NHS: variants seen among roughly 807,000 people sequenced by gnomAD.
The protein encoded by NHS is NHS actin remodeling regulator.
Under a neutral mutation model 72.5 loss-of-function variants are expected in NHS, and 5 were observed. The observed-to-expected ratio is 0.07, with a 90% CI of 0.04 to 0.14. The LOEUF (loss-of-function observed/expected upper bound fraction) is 0.14, where lower values mean the gene tolerates loss of function less well. NHS is among the 10% of genes least tolerant of loss of function. The probability of loss-of-function intolerance (pLI) is 1.00; values close to 1 mark genes in which losing one functional copy is unlikely to be tolerated. For synonymous variants in NHS, 464 were observed against 547.7 expected (o/e 0.85, Z 2.13); for missense variants, 1,072 against 1,355.7 (o/e 0.79, Z 3.29).
intron 1 of NHS, among the ~76,000 whole-genome samples, chrX:17,575,947 A>T (rs2065508328): frequency 9.0e-6 from 1 of 111,548 alleles, no homozygotes; most frequent in Admixed American, 9.5e-5. Flanking sequence ...AGAGAGTGGT[A>T]CCCTCCTTGG....
intron 1 of NHS, among the ~76,000 whole-genome samples, chrX:17,684,207 T>C (rs2066146364): frequency 8.9e-6 from 1 of 112,300 alleles, no homozygotes; most frequent in African/African-American, 3.2e-5. Flanking sequence ...CTTTATAAAT[T>C]ACCCAGTCAT....
intron 1 of NHS, among the ~76,000 whole-genome samples, chrX:17,463,546 A>T (rs1301392319): frequency 9.0e-6 from 1 of 111,464 alleles, no homozygotes; most frequent in East Asian, 2.8e-4. Context: ...TAAATAGGAT[A>T]TTATTGAAAC....
intron 1 of NHS, among the ~76,000 whole-genome samples, chrX:17,505,151 C>T (rs184680727): frequency 1.8e-5 from 2 of 111,763 alleles, no homozygotes; most frequent in African/African-American, 6.5e-5. Flanking sequence ...AAATTAGCTA[C>T]TCATTTTTTT....
chrX:17,732,513 G>A lies in NHS; in HGVS notation c.*49G>A, dbSNP rs772222028. On this transcript the variant is annotated 3_prime_UTR_variant, in exon 9 of 9. Transcript: ENST00000676302. ...CAAAGGCCAAAACCCTTACTCACAT[G>A]AGGATGGAGGAACAGAACAGAGGAC... The A allele has an allele frequency of 1.8e-5, 22 of 1,209,459 alleles. No individual in the cohort carries two copies. Among genetic ancestry groups the A allele is most frequent in the Non-Finnish European group, 2.3e-5 (21 of 893,907 alleles).
intron 1 of NHS, among the ~76,000 whole-genome samples, chrX:17,578,688 G>A (rs1013364178): frequency 1.8e-5 from 2 of 112,108 alleles, no homozygotes; most frequent in Non-Finnish European, 3.8e-5. Flanking sequence ...AAATTCAATT[G>A]GTGTTATAAA....
In NHS at chrX:17,692,360, A is replaced by C. The variant is rs2147115274; in HGVS notation, c.744A>C (p.Arg248=). ...RREHRSRSDR[R]EQRAAAPLSI... ...AACACCGGAGCCGGAGCGATCGCCG[A>C]GAGCAAAGAGCAGCTGCCCCCCTTT... is the stretch of plus-strand genomic sequence containing the variant. The change falls in exon 3 of 9, where the codon CGA becomes CGC. Residue 248 remains arginine, a synonymous_variant. Transcript: ENST00000676302. The C allele has an allele frequency of 8.3e-7, 1 of 1,210,657 alleles. No homozygotes were observed. Among genetic ancestry groups the C allele is most frequent in the East Asian group, 3.0e-5 (1 of 33,789 alleles).
At chrX:17,511,600 G>T (rs2065088555) in intron 1 of NHS, among the ~76,000 whole-genome samples, 1 of 112,148 alleles carries the variant, frequency 8.9e-6, no homozygotes, top group African/African-American at 3.2e-5. Flanking sequence ...AACAAACCTT[G>T]TGTTATTCCT....
At chrX:17,530,415 C>T (rs1217048595) in intron 1 of NHS, among the ~76,000 whole-genome samples, 3 of 111,215 alleles carry the variant, frequency 2.7e-5, no homozygotes, top group Non-Finnish European at 5.7e-5. Context: ...CCATTTGTCA[C>T]CAGCAAGCAG....
intron 1 of NHS, among the ~76,000 whole-genome samples, chrX:17,407,288 C>T (rs2064533650): frequency 9.0e-6 from 1 of 110,969 alleles, no homozygotes; most frequent in Non-Finnish European, 1.9e-5. Context: ...TTTCCTTTTT[C>T]ACCCTCCCTT....
At chrX:17,383,188 C>G (rs939376100) in intron 1 of NHS, among the ~76,000 whole-genome samples, 5 of 112,003 alleles carry the variant, frequency 4.5e-5, no homozygotes, top group African/African-American at 1.6e-4. Flanking sequence ...ACTACTTGCA[C>G]TCAAACCTGT....
At chrX:17,682,734 T>C (rs2066137307) in intron 1 of NHS, among the ~76,000 whole-genome samples, 1 of 110,617 alleles carries the variant, frequency 9.0e-6, no homozygotes, top group African/African-American at 3.3e-5. Flanking sequence ...GGAGGCTTTC[T>C]AGGAAGGGAG....
Position 17,725,466 on chromosome X carries a change from A to C in NHS, c.1360A>C (p.Ile454Leu). 8.3e-7 allele frequency: 1 copy of C among 1,211,794 alleles called. No homozygotes were observed. Among genetic ancestry groups the C allele is most frequent in the East Asian group, 3.0e-5 (1 of 33,845 alleles). ...GGACTCTGAGTGCCAAACCGAGGAT[A>C]TTCTGATTGCTGCCCCATCCAGAAG... ...TRDSECQTEDILIAAPSRRRI... is the reference protein window; with the variant it reads ...TRDSECQTEDLLIAAPSRRRI... The change falls in exon 7 of 9, where the codon ATT becomes CTT. Residue 454 changes from isoleucine (I) to leucine (L), a missense_variant. Physicochemically the swap from Ile to Leu is conservative, Grantham distance 5. Coordinates refer to ENST00000676302, the MANE Select transcript of NHS (RefSeq NM_001291867.2).
intron 1 of NHS, among the ~76,000 whole-genome samples, chrX:17,568,650 A>ATTG (rs1490835066): frequency 3.2e-5 from 3 of 93,496 alleles, no homozygotes; most frequent in Non-Finnish European, 6.1e-5. Flanking sequence ...TTACTTAGTT[A>ATTG]TTATTATTAT....
intron 1 of NHS, among the ~76,000 whole-genome samples, chrX:17,458,694 T>C (rs959807321): frequency 8.9e-6 from 1 of 111,794 alleles, no homozygotes; most frequent in African/African-American, 3.3e-5. Context: ...GGTTTCGCCA[T>C]GTTAGCCAGG....
chrX:17,647,882 T>C (rs2065913115), intron 1 of NHS, among the ~76,000 whole-genome samples: 1 of 111,874 alleles, frequency 8.9e-6, no homozygotes. Flanking sequence ...ACTGTATCCA[T>C]AGGAATCCTT....
At chrX:17,684,192 C>T (rs761294406) in intron 1 of NHS, among the ~76,000 whole-genome samples, 1 of 112,263 alleles carries the variant, frequency 8.9e-6, no homozygotes, top group Non-Finnish European at 1.9e-5. Flanking sequence ...CATTAAACCT[C>T]TTTCCTTTAT....
At chrX:17,522,828 G>A (rs2065156828) in intron 1 of NHS, among the ~76,000 whole-genome samples, 1 of 111,452 alleles carries the variant, frequency 9.0e-6, no homozygotes, top group Non-Finnish European at 1.9e-5. Context: ...GTTATTATGT[G>A]AGAACCCAAC....
At chrX:17,561,781 A>G (rs2065417500) in intron 1 of NHS, among the ~76,000 whole-genome samples, 1 of 108,189 alleles carries the variant, frequency 9.2e-6, no homozygotes, top group African/African-American at 3.4e-5. Context: ...GTCAGGGAAT[A>G]AACCCCAAGA....
intron 1 of NHS, among the ~76,000 whole-genome samples, chrX:17,500,171 A>T (rs1481940866): frequency 6.2e-5 from 7 of 112,122 alleles, no homozygotes; most frequent in Non-Finnish European, 1.3e-4. Context: ...ACATGTGTGA[A>T]CTGATAACCA....
Sources: allele counts gnomAD v4.1 joint callset (sites outside exome capture counted in the v4.1 genomes callset), GRCh38; gene constraint gnomAD v4.1.1; transcripts MANE v1.5; gene names NCBI Gene and HGNC (gene_info 2026-07-23, HGNC 2026-07-21).